Variants in USP45 observed in about 807,000 individuals in gnomAD.
The protein encoded by USP45 is ubiquitin specific peptidase 45.
Under a neutral mutation model 95.8 loss-of-function variants are expected in USP45, and 89 were observed. The ratio of observed to expected loss-of-function variants is 0.93; its 90% CI spans 0.78 to 1.11. The LOEUF is 1.11. Among genes scored for constraint, USP45 ranks in the 50% least tolerant of loss-of-function variants. USP45 has a pLI of 0.00. For synonymous variants in USP45, 281 were observed against 316.2 expected (o/e 0.89, Z 1.18); for missense variants, 898 against 942.5 (o/e 0.95, Z 0.62).
chr6:99,448,024 A>G (rs903151501), intron 13 of USP45, among the ~76,000 whole-genome samples: 11 of 152,212 alleles, frequency 7.2e-5, no homozygotes, highest in Non-Finnish European at 1.5e-4. Context: ...GGACATCCAC[A>G]CCAAAACCCC....
In USP45 at chr6:99,468,312, A is replaced by T. The variant is rs1198271844; in HGVS notation, c.1015+225T>A. The T allele has an allele frequency of 6.9e-5, 37 of 534,542 alleles. No individual in the cohort carries two copies. In the Admixed American group the frequency reaches 9.8e-4, roughly 14 times the overall value. 33.1% of individuals were successfully genotyped at this position (534,542 alleles called of 1,614,324 possible). On this transcript the variant is annotated intron_variant, in intron 10 of 17. Coordinates refer to ENST00000500704, the MANE Select transcript of USP45 (RefSeq NM_001346022.3). ...GACCTCACATAAAGGTATCGGTGTCAATCTGTATACTTGGTATAGCTTTAT... is the reference window on the plus strand; with the variant it reads ...GACCTCACATAAAGGTATCGGTGTCTATCTGTATACTTGGTATAGCTTTAT...
At chr6:99,458,083 C>T (rs535052898) in intron 13 of USP45, among the ~76,000 whole-genome samples, 13 of 152,258 alleles carry the variant, frequency 8.5e-5, no homozygotes, top group African/African-American at 3.1e-4. Context: ...TGCAGTAGCG[C>T]AATCTCGGCT....
intron 13 of USP45, among the ~76,000 whole-genome samples, chr6:99,456,132 C>CG (rs1554230864): frequency 6.8e-5 from 6 of 87,664 alleles, no homozygotes; most frequent in Non-Finnish European, 8.8e-5. Flanking sequence ...GACTCTGTCT[C>CG]GGAAAAAAAA....
At chr6:99,438,583 T>C (rs1190734807) in intron 16 of USP45, among the ~76,000 whole-genome samples, 1 of 152,242 alleles carries the variant, frequency 6.6e-6, no homozygotes, top group Non-Finnish European at 1.5e-5. Flanking sequence ...GATCCAGTCC[T>C]TATCTGGATA....
chr6:99,492,091 C>T (rs1175018996), intron 5 of USP45, among the ~76,000 whole-genome samples: 1 of 152,232 alleles, frequency 6.6e-6, no homozygotes, highest in African/African-American at 2.4e-5. Flanking sequence ...ATTTATCCAA[C>T]AGTTTTCAAA....
intron 15 of USP45, 22 bp downstream of exon 15, chr6:99,443,543 T>TG: frequency 6.5e-7 from 1 of 1,531,122 alleles, no homozygotes; most frequent in African/African-American, 1.4e-5. Context: ...ATGAAAATTA[T>TG]GGTGCTACTG....
chr6:99,448,434 GA>G (rs1783039457), intron 13 of USP45, among the ~76,000 whole-genome samples: 1 of 152,152 alleles, frequency 6.6e-6, no homozygotes, highest in African/African-American at 2.4e-5. Flanking sequence ...TGCAAGAAAG[GA>G]TATCAGTGAT....
intron 7 of USP45, among the ~76,000 whole-genome samples, chr6:99,483,470 C>T (rs1792935763): frequency 6.6e-6 from 1 of 152,016 alleles, no homozygotes; most frequent in Admixed American, 6.6e-5. Context: ...AAGTACTATC[C>T]CCACCAATAA....
chr6:99,458,057 G>C (rs763182128), intron 13 of USP45, among the ~76,000 whole-genome samples: 1 of 152,150 alleles, frequency 6.6e-6, no homozygotes, highest in East Asian at 1.9e-4. Context: ...GTCTCGCTCT[G>C]TTGCCCAGGC....
At chr6:99,463,856 T>C (rs1787193912) in intron 13 of USP45, among the ~76,000 whole-genome samples, 1 of 148,564 alleles carries the variant, frequency 6.7e-6, no homozygotes, top group African/African-American at 2.5e-5. Context: ...AGACCTCTTT[T>C]AAATCCTAAA....
intron 13 of USP45, chr6:99,462,028 C>A (rs1786566848): frequency 1.0e-6 from 1 of 984,984 alleles, no homozygotes; most frequent in Non-Finnish European, 1.2e-6. Flanking sequence ...TAAATTTTCG[C>A]TTCTTGAATA....
intron 17 of USP45, among the ~76,000 whole-genome samples, chr6:99,436,109 T>C (rs1780427868): frequency 6.6e-6 from 1 of 152,050 alleles, no homozygotes; most frequent in African/African-American, 2.4e-5. Flanking sequence ...CCCATCAACC[T>C]GTCATCTACA....
chr6:99,497,386 C>T (rs769211099), intron 5 of USP45, among the ~76,000 whole-genome samples: 40 of 152,192 alleles, frequency 2.6e-4, no homozygotes, highest in Non-Finnish European at 5.0e-4. Context: ...TTACCTAAAC[C>T]AGTCATGTAG....
rs1239573324 is a variant in USP45, at chr6:99,432,679, T to TA, written c.*3036dup. 6.6e-6 allele frequency: 1 copy of TA among 152,508 alleles called. No individual in the cohort carries two copies. The highest frequency in any genetic ancestry group is 1.5e-5 in the Non-Finnish European group (1 of 68,036). The allele number at this position is 152,508 out of a possible 1,614,324, so 9.4% of individuals were successfully genotyped here. On this transcript the variant is annotated 3_prime_UTR_variant, in exon 18 of 18. Transcript: ENST00000500704. ...TAATCTTTTTTAACAATGCACTAGA[T>TA]ACTATCTAAAGGCTCAATTTTATTG...
chr6:99,517,601 A>ATT (rs11398930), upstream of USP45, among the ~76,000 whole-genome samples: 16,325 of 136,690 alleles, frequency 0.12, 1,083 homozygotes, highest in East Asian at 0.22. Context: ...CACATAGCTA[A>ATT]TTTTTTTTTT....
At chr6:99,491,602 A>C (rs1795190094) in intron 5 of USP45, among the ~76,000 whole-genome samples, 1 of 152,220 alleles carries the variant, frequency 6.6e-6, no homozygotes, top group South Asian at 2.1e-4. Context: ...GGTCACAATG[A>C]TAATCTTCTG....
chr6:99,466,696 C>T lies in USP45; in HGVS notation c.1083G>A (p.Thr361=), dbSNP rs750853266. 7.4e-6 allele frequency: 12 copies of T among 1,613,078 alleles called. No homozygotes were observed. The East Asian group carries it at 2.5e-4, about 33-fold the overall frequency. ...CATTTGCACATTCTTCACACATGACCGTGCTAGTTAATTCACCAATAAAGA... is the reference window on the plus strand; with the variant it reads ...CATTTGCACATTCTTCACACATGACTGTGCTAGTTAATTCACCAATAAAGA... ...DRIFIGELTS[T]VMCEECANIS... is the part of the protein sequence containing the mutation. Residue 361 remains threonine (T), a synonymous_variant, in exon 11 of 18, where the codon ACG becomes ACA. Coordinates refer to ENST00000500704, the MANE Select transcript of USP45 (RefSeq NM_001346022.3).
chr6:99,476,358 C>T (rs1790868645), intron 8 of USP45, 128 bp from the exon 9 acceptor site: 3 of 902,112 alleles, frequency 3.3e-6, no homozygotes, highest in South Asian at 1.7e-5. Context: ...CCTGTAATCC[C>T]AGCATTTGGG....
At position 99,443,650 on chromosome 6, in the gene USP45, T is replaced by A; in HGVS notation, c.1988A>T (p.Glu663Val). Residue 663 changes from glutamate to valine, a missense_variant, in exon 15 of 18, where the codon GAA becomes GTA. Glu to Val is a moderately radical substitution (Grantham distance 121). Coordinates refer to ENST00000500704, the MANE Select transcript of USP45 (RefSeq NM_001346022.3). ...EETSFAEKKV[E>V]GVYTNARKQL... ...CTTCCTGGCATTAGTATAAACTCCTTCTACTTTCTTTTCTACATAAAATAC... is the reference window on the plus strand; with the variant it reads ...CTTCCTGGCATTAGTATAAACTCCTACTACTTTCTTTTCTACATAAAATAC... The A allele has an allele frequency of 6.3e-7, 1 of 1,586,542 alleles. No individual in the cohort carries two copies. The highest frequency in any genetic ancestry group is 8.6e-7 in the Non-Finnish European group (1 of 1,165,298).
Sources: gnomAD v4.1 joint callset for allele counts (sites outside exome capture counted in the v4.1 genomes callset) on GRCh38, gnomAD v4.1.1 for gene constraint, MANE v1.5 for transcripts, NCBI Gene and HGNC (gene_info 2026-07-23, HGNC 2026-07-21) for gene names.